Variants in TRDMT1 observed in about 807,000 individuals in gnomAD.
TRDMT1 encodes tRNA (cytosine(38)-C(5))-methyltransferase.
Under a neutral mutation model 51.2 loss-of-function variants are expected in TRDMT1, and 49 were observed. The ratio of observed to expected loss-of-function variants is 0.96; its 90% CI spans 0.76 to 1.21. The LOEUF (loss-of-function observed/expected upper bound fraction) is 1.21. Among genes scored for constraint, TRDMT1 ranks in the 50% most tolerant of loss-of-function variants. TRDMT1 has a pLI of 0.00. For synonymous variants in TRDMT1, 187 were observed against 164.6 expected (o/e 1.14, Z -1.04); for missense variants, 534 against 462.3 (o/e 1.16, Z -1.42).
At chr10:17,160,207 C>T (rs1186863804) in intron 6 of TRDMT1, 98 bp downstream of exon 6, 2 of 742,648 alleles carry the variant, frequency 2.7e-6, no homozygotes, top group African/African-American at 3.7e-5. Flanking sequence ...ATAATATTAT[C>T]CAAAATAAAG....
intron 10 of TRDMT1, chr10:17,151,701 A>C (rs1838762576): frequency 1.1e-6 from 1 of 883,506 alleles, no homozygotes; most frequent in Non-Finnish European, 1.4e-6. Flanking sequence ...AAATTTTAAA[A>C]AATGAGAAAA....
chr10:17,157,581 A>C lies in TRDMT1; in HGVS notation c.747T>G (p.Ser249=). The C allele has an allele frequency of 6.2e-7, 1 of 1,614,060 alleles. No individual in the cohort carries two copies. Among genetic ancestry groups the C allele is most frequent in the South Asian group, 1.1e-5 (1 of 91,080 alleles). ...CAAGAAAATCTTTTAGCATTTTCAC[A>C]GAGAGATCACTATCTTGTTGATTTT... ...HRKNQQDSDL[S]VKMLKDFLED... The change falls in exon 8 of 11, where the codon TCT becomes TCG. Residue 249 remains serine, a synonymous_variant. Transcript: ENST00000377799.
At chr10:17,169,456 A>C in intron 2 of TRDMT1, 1 of 1,289,668 alleles carries the variant, frequency 7.8e-7, no homozygotes, top group Non-Finnish European at 1.0e-6. Flanking sequence ...GTGTGCAATG[A>C]ACTTCAAATG....
intron 10 of TRDMT1, chr10:17,151,273 A>T: frequency 3.1e-6 from 3 of 979,392 alleles, no homozygotes; most frequent in Non-Finnish European, 3.6e-6. Flanking sequence ...TAGATACATT[A>T]AAAATAACAA....
chr10:17,145,489 C>T lies in TRDMT1; in HGVS notation c.*3551G>A, dbSNP rs1254515665. On this transcript the variant is annotated 3_prime_UTR_variant, in exon 11 of 11. Coordinates refer to ENST00000377799, the MANE Select transcript of TRDMT1 (RefSeq NM_004412.7). ...ATAATCTCAATGCAATCACAGGCTA[C>T]AAGAAAACTGCTGAGGCTATATGAC... is the stretch of plus-strand genomic sequence containing the variant. 1.0e-6 allele frequency: 1 copy of T among 985,240 alleles called. No homozygotes were observed. Among genetic ancestry groups the T allele is most frequent in the Non-Finnish European group, 1.2e-6 (1 of 829,930 alleles). The allele number at this position is 985,240 out of a possible 1,614,324, so 61.0% of individuals were successfully genotyped here.
chr10:17,151,894 A>G, intron 10 of TRDMT1: 1 of 1,081,166 alleles, frequency 9.2e-7, no homozygotes, highest in Non-Finnish European at 1.1e-6. Flanking sequence ...AGAGAAGTAA[A>G]CTAAAGAAGG....
rs1837695201 is a variant in TRDMT1 at position 17,141,542 on chromosome 10, T to A, written c.*7498A>T. Among the ~76,000 whole-genome samples the A allele has an allele frequency of 6.6e-6, 1 of 152,046 alleles. No homozygotes were observed. The highest frequency in any genetic ancestry group is 6.6e-5 in the Admixed American group (1 of 15,252). On this transcript the variant is annotated 3_prime_UTR_variant, in exon 11 of 11. Coordinates refer to ENST00000377799, the MANE Select transcript of TRDMT1 (RefSeq NM_004412.7). ...CTCTTTCAGCTCCATTTTTTTCCCC[T>A]CTACTTCTGGCACCCCAAACATATA...
At position 17,151,479 on chromosome 10, in the gene TRDMT1, T is replaced by C. The variant is rs937662178; in HGVS notation, c.1075+2028A>G. 5.1e-6 allele frequency: 5 copies of C among 974,758 alleles called. No individual in the cohort carries two copies. The African/African-American group carries it at 8.8e-5, about 17-fold the overall frequency. The allele number at this position is 974,758 out of a possible 1,614,324, so 60.4% of individuals were successfully genotyped here. On this transcript the variant is annotated intron_variant, in intron 10 of 10. Transcript: ENST00000377799. ...GCCAGTAGACAAACAGCTCAAACAA[T>C]GCCCATTTTTGGACCCAGGGTCAAT... is the stretch of plus-strand genomic sequence containing the variant.
rs566121001 is a variant in TRDMT1 at position 17,172,360 on chromosome 10, A to G, written c.174+2191T>C. Among the ~76,000 whole-genome samples the G allele has an allele frequency of 1.2e-3, 186 of 152,272 alleles. 3 individuals are homozygous for G. Among genetic ancestry groups the G allele is most frequent in the South Asian group, 0.01 (49 of 4,828 alleles). On this transcript the variant is annotated intron_variant, in intron 2 of 10. Coordinates refer to ENST00000377799, the MANE Select transcript of TRDMT1 (RefSeq NM_004412.7). The stretch of plus-strand genomic sequence containing the variant: ...CAAAAATATCTTTCAAAATGAATGC[A>G]ATCAAAGATTCAGTGGGCCAGGCAC...
At chr10:17,155,085 C>T (rs978491004) in intron 8 of TRDMT1, among the ~76,000 whole-genome samples, 9 of 151,886 alleles carry the variant, frequency 5.9e-5, no homozygotes, top group Admixed American at 4.6e-4. Context: ...ATGAGCCAGG[C>T]GTGGTGGTGC....
At chr10:17,162,465 T>C (rs1429971734) in intron 3 of TRDMT1, among the ~76,000 whole-genome samples, 1 of 152,112 alleles carries the variant, frequency 6.6e-6, no homozygotes, top group Non-Finnish European at 1.5e-5. Flanking sequence ...TCCAGCACTT[T>C]GGGAGGTGAG....
At chr10:17,183,103 T>C (rs1209361740) in intron 1 of TRDMT1, among the ~76,000 whole-genome samples, 1 of 152,210 alleles carries the variant, frequency 6.6e-6, no homozygotes, top group African/African-American at 2.4e-5. Flanking sequence ...TAAACAAGTA[T>C]GTAAAGATAA....
intron 7 of TRDMT1, 96 bp downstream of exon 7, chr10:17,159,050 G>T: frequency 1.3e-6 from 1 of 785,964 alleles, no homozygotes; most frequent in Non-Finnish European, 1.9e-6. Context: ...CACAGAGACA[G>T]CTACACAAAG....
intron 3 of TRDMT1, among the ~76,000 whole-genome samples, chr10:17,168,427 T>G (rs1391057025): frequency 1.3e-5 from 2 of 152,228 alleles, no homozygotes; most frequent in African/African-American, 4.8e-5. Flanking sequence ...GACACTACAG[T>G]ATGATCTGAT....
Position 17,157,646 on chromosome 10 carries a change from T to A in TRDMT1, c.682A>T (p.Ile228Phe). The A allele has an allele frequency of 6.2e-7, 1 of 1,613,698 alleles. No homozygotes were observed. The change falls in exon 8 of 11, where the codon ATT (isoleucine) becomes TTT (phenylalanine). Residue 228 changes from isoleucine to phenylalanine, a missense_variant. Physicochemically the swap from Ile to Phe is conservative, Grantham distance 21 (BLOSUM62 0). Transcript: ENST00000377799. ...GSIQCSGKDA[I>F]LFKLETAEEI... ...TCTGCAGTTTCAAGCTTAAAAAGAA[T>A]GGCATCTTTTCCAGAACACTGTATG...
Position 17,190,609 on chromosome 10 carries a change from A to G in TRDMT1, c.64+10962T>C, listed in dbSNP as rs529319931. 3.9e-5 allele frequency among the ~76,000 whole-genome samples: 6 copies of G among 152,346 alleles called. No homozygotes were observed. The East Asian group carries it at 1.2e-3, about 29-fold the overall frequency. On this transcript the variant is annotated intron_variant, in intron 1 of 10. Transcript: ENST00000377799. ...AAAAATGTTTTATCATGTATTACAG[A>G]AAAATATTTGTTATCTATTAAAATC...
Position 17,144,700 on chromosome 10 carries a change from A to T in TRDMT1, c.*4340T>A, listed in dbSNP as rs991434620. 34 of 985,420 alleles carry T rather than the reference A, an allele frequency of 3.5e-5. No individual in the cohort carries two copies. In the Admixed American group the frequency reaches 8.0e-4, roughly 23 times the overall value. The allele number at this position is 985,420 out of a possible 1,614,324, so 61.0% of individuals were successfully genotyped here. A position where few individuals can be genotyped will look rare whatever the true frequency, so the allele number is the denominator to read the frequency against. On this transcript the variant is annotated 3_prime_UTR_variant, in exon 11 of 11. Transcript: ENST00000377799. ...CAAGCTAAGACATGAATGGTGATGGAGTTTGGATCTTGATTGTGTAAGATT... is the reference window on the plus strand; with the variant it reads ...CAAGCTAAGACATGAATGGTGATGGTGTTTGGATCTTGATTGTGTAAGATT...
intron 1 of TRDMT1, among the ~76,000 whole-genome samples, chr10:17,193,506 C>T (rs1017128254): frequency 3.2e-4 from 49 of 152,170 alleles, no homozygotes; most frequent in African/African-American, 1.2e-3. Flanking sequence ...TTTCTATACA[C>T]AAATAATGTT....
intron 2 of TRDMT1, among the ~76,000 whole-genome samples, chr10:17,172,210 T>A (rs1166851622): frequency 6.6e-6 from 1 of 152,070 alleles, no homozygotes; most frequent in Non-Finnish European, 1.5e-5. Context: ...AAATCTTAAA[T>A]GTAGACAAAG....
Sources: allele counts gnomAD v4.1 joint callset (sites outside exome capture counted in the v4.1 genomes callset), GRCh38; gene constraint gnomAD v4.1.1; transcripts MANE v1.5; gene names NCBI Gene and HGNC (gene_info 2026-07-23, HGNC 2026-07-21).